Variants in PLCXD3 observed in about 807,000 individuals in gnomAD.
PLCXD3 encodes phosphatidylinositol specific phospholipase C X domain containing 3, also known as PI-PLC X domain-containing protein 3.
In PLCXD3, 19 loss-of-function variants were observed where a neutral mutation model predicts 25.5. That is an observed-to-expected ratio of 0.75 (90% CI 0.52 to 1.09). PLCXD3 has a LOEUF of 1.09. Among genes scored for constraint, PLCXD3 ranks in the 50% least tolerant of loss-of-function variants. PLCXD3 has a pLI of 0.00. For missense variants in PLCXD3, 411 were observed against 388.1 expected, an observed-to-expected ratio of 1.06 and a Z score of -0.50; for synonymous variants, 174 against 137.6, an observed-to-expected ratio of 1.26 and a Z score of -1.85.
intron 2 of PLCXD3, among the ~76,000 whole-genome samples, chr5:41,373,785 C>T (rs548658031): frequency 6.6e-6 from 1 of 152,144 alleles, no homozygotes; most frequent in East Asian, 1.9e-4. Context: ...GTGGGAGACA[C>T]TGAGTCTAGA....
chr5:41,432,255 G>GA (rs1016303644), intron 1 of PLCXD3, among the ~76,000 whole-genome samples: 8 of 152,266 alleles, frequency 5.3e-5, no homozygotes, highest in African/African-American at 7.2e-5. Context: ...TTCAAAATAA[G>GA]CTTAATGCAC....
chr5:41,499,072 C>A (rs893734810), intron 1 of PLCXD3, among the ~76,000 whole-genome samples: 23 of 151,088 alleles, frequency 1.5e-4, no homozygotes, highest in African/African-American at 5.6e-4. Context: ...TAAGGCTTTC[C>A]CTCTAAGACC....
chr5:41,473,731 C>G (rs1328739280), intron 1 of PLCXD3, among the ~76,000 whole-genome samples: 2 of 152,166 alleles, frequency 1.3e-5, no homozygotes, highest in Non-Finnish European at 2.9e-5. Context: ...GTTGGGATCA[C>G]AGGCGTGAGC....
At chr5:41,425,991 G>C (rs1746946499) in intron 1 of PLCXD3, among the ~76,000 whole-genome samples, 1 of 152,124 alleles carries the variant, frequency 6.6e-6, no homozygotes, top group Non-Finnish European at 1.5e-5. Context: ...TTGCTGGATT[G>C]TATGATAAGA....
Position 41,490,090 on chromosome 5 carries a change from T to A in PLCXD3, c.103+20334A>T, listed in dbSNP as rs1023290377. Among the ~76,000 whole-genome samples, 190 of 152,296 alleles carry A rather than the reference T, an allele frequency of 1.2e-3. 9 individuals carry two copies. Among genetic ancestry groups the A allele is most frequent in the Non-Finnish European group, 7.8e-4 (53 of 68,034 alleles). On this transcript the variant is annotated intron_variant, in intron 1 of 2. Transcript: ENST00000377801. ...GTGGGTTTGTCATAGATAGCTCTTA[T>A]TATCTTGAGATATGTCCCATCAATA...
intron 1 of PLCXD3, among the ~76,000 whole-genome samples, chr5:41,481,896 C>G (rs1748422698): frequency 6.6e-6 from 1 of 152,122 alleles, no homozygotes; most frequent in South Asian, 2.1e-4. Flanking sequence ...TTTGCCCCTA[C>G]CAAAATCAAA....
Position 41,312,152 on chromosome 5 carries a change from C to T in PLCXD3, c.*1465G>A, listed in dbSNP as rs1478070383. On this transcript the variant is annotated 3_prime_UTR_variant, in exon 3 of 3. Transcript: ENST00000377801. ...CACAATGACACGAAGGAGGAAGTAA[C>T]GCTCAAGCTGTGTCATTGTTCTTCC... 6.6e-6 allele frequency: 1 copy of T among 151,584 alleles called. No homozygotes were observed. Among genetic ancestry groups the T allele is most frequent in the Admixed American group, 6.6e-5 (1 of 15,172 alleles). 9.4% of individuals were successfully genotyped at this position (151,584 alleles called of 1,614,324 possible).
intron 1 of PLCXD3, among the ~76,000 whole-genome samples, chr5:41,501,712 T>C (rs969650409): frequency 1.3e-5 from 2 of 151,704 alleles, no homozygotes; most frequent in Non-Finnish European, 2.9e-5. Flanking sequence ...TTTACCACAA[T>C]AAAAAAAATA....
chr5:41,374,791 G>A (rs1745237102), intron 2 of PLCXD3, among the ~76,000 whole-genome samples: 1 of 152,220 alleles, frequency 6.6e-6, no homozygotes, highest in Non-Finnish European at 1.5e-5. Context: ...TCCATTGTCA[G>A]CTGCTCTGCT....
chr5:41,350,102 G>A (rs1212056205), intron 2 of PLCXD3, among the ~76,000 whole-genome samples: 2 of 151,910 alleles, frequency 1.3e-5, no homozygotes, highest in African/African-American at 2.4e-5. Flanking sequence ...ACTGTCTCCT[G>A]CATCACAAGA....
intron 2 of PLCXD3, among the ~76,000 whole-genome samples, chr5:41,375,066 C>T (rs1580333821): frequency 1.3e-5 from 2 of 151,638 alleles, no homozygotes; most frequent in South Asian, 2.1e-4. Flanking sequence ...GCAAATTGGG[C>T]AGTAGGAGGG....
At position 41,381,665 on chromosome 5, in the gene PLCXD3, T is replaced by G. The variant is rs555045479; in HGVS notation, c.812+161A>C. Reference sequence around the variant, plus strand: ...TCTAGGTTTCAGAACTGTGAGATAATATATTTTTATTCTTTTAAGAAACCC... The same window carrying G: ...TCTAGGTTTCAGAACTGTGAGATAAGATATTTTTATTCTTTTAAGAAACCC... On this transcript the variant is annotated intron_variant, in intron 2 of 2. Transcript: ENST00000377801. 4.6e-5 allele frequency among the ~76,000 whole-genome samples: 7 copies of G among 152,198 alleles called. No individual in the cohort carries two copies. The East Asian group carries it at 1.4e-3, about 29-fold the overall frequency.
At chr5:41,447,777 A>G (rs1028689130) in intron 1 of PLCXD3, among the ~76,000 whole-genome samples, 2 of 152,230 alleles carry the variant, frequency 1.3e-5, no homozygotes, top group Non-Finnish European at 2.9e-5. Context: ...TTCTTCCTGT[A>G]TCTGCTTAGG....
At chr5:41,315,467 T>C (rs1418205673) in intron 2 of PLCXD3, among the ~76,000 whole-genome samples, 1 of 150,998 alleles carries the variant, frequency 6.6e-6, no homozygotes, top group Non-Finnish European at 1.5e-5. Context: ...AACAACTGAA[T>C]TGGGAGGCTG....
intron 2 of PLCXD3, among the ~76,000 whole-genome samples, chr5:41,359,587 A>G (rs1744717613): frequency 6.6e-6 from 1 of 152,032 alleles, no homozygotes; most frequent in African/African-American, 2.4e-5. Context: ...TTTCATTTCT[A>G]ATTGAACTTA....
chr5:41,489,095 T>C (rs1255976676), intron 1 of PLCXD3, among the ~76,000 whole-genome samples: 1 of 152,210 alleles, frequency 6.6e-6, no homozygotes, highest in Non-Finnish European at 1.5e-5. Flanking sequence ...CCACCTTGAA[T>C]TGATTTTTGT....
chr5:41,360,312 C>G (rs1744735959), intron 2 of PLCXD3, among the ~76,000 whole-genome samples: 1 of 152,076 alleles, frequency 6.6e-6, no homozygotes, highest in Non-Finnish European at 1.5e-5. Context: ...TCTAGTGCCT[C>G]CTTGATTAGC....
At chr5:41,471,387 T>C (rs965377776) in intron 1 of PLCXD3, among the ~76,000 whole-genome samples, 1 of 152,184 alleles carries the variant, frequency 6.6e-6, no homozygotes, top group Non-Finnish European at 1.5e-5. Context: ...GACATTGCAC[T>C]GAATGCACTG....
chr5:41,481,511 C>T (rs1325670658), intron 1 of PLCXD3, among the ~76,000 whole-genome samples: 1 of 152,230 alleles, frequency 6.6e-6, no homozygotes, highest in African/African-American at 2.4e-5. Context: ...AAACAACTTC[C>T]TTTAGGATCC....
Sources: allele counts gnomAD v4.1 joint callset (sites outside exome capture counted in the v4.1 genomes callset), GRCh38; gene constraint gnomAD v4.1.1; transcripts MANE v1.5; gene names NCBI Gene and HGNC (gene_info 2026-07-23, HGNC 2026-07-21).